The following ARID4A variants were observed in gnomAD, a reference collection of about 807,000 sequenced individuals.
ARID4A encodes the protein AT-rich interactive domain-containing protein 4A.
In ARID4A, 39 loss-of-function variants were observed where a neutral mutation model predicts 148.6. That is an observed-to-expected ratio of 0.26 (90% CI 0.20 to 0.34). The LOEUF (loss-of-function observed/expected upper bound fraction) is 0.34, where lower values mean the gene tolerates loss of function less well. Ranked by LOEUF, ARID4A falls within the 10% of genes least tolerant of loss-of-function variation. The pLI is 1.00. For synonymous variants in ARID4A, 475 were observed against 481.2 expected (o/e 0.99, Z 0.17); for missense variants, 1,265 against 1,449.1 (o/e 0.87, Z 2.06).
chr14:58,362,589 ACT>A (rs2035181602), intron 19 of ARID4A, among the ~76,000 whole-genome samples: 1 of 151,472 alleles, frequency 6.6e-6, no homozygotes, highest in South Asian at 2.1e-4. Flanking sequence ...ACCCCACCTC[ACT>A]CTGTTGCCCA....
rs553897827 is a variant in ARID4A at position 58,326,268 on chromosome 14, G to A, written c.583-1969G>A. 8.6e-4 allele frequency among the ~76,000 whole-genome samples: 131 copies of A among 152,174 alleles called. 1 individual carries two copies. Among genetic ancestry groups the A allele is most frequent in the Admixed American group, 2.1e-3 (32 of 15,284 alleles). On this transcript the variant is annotated intron_variant, in intron 8 of 23. Transcript: ENST00000355431. ...CTGGCTAACATGGTGAAACCCTGTC[G>A]CTACTAAAAACACAAAAAATTAGCC...
intron 17 of ARID4A, 114 bp downstream of exon 17, chr14:58,353,969 C>T: frequency 1.0e-6 from 1 of 964,060 alleles, no homozygotes; most frequent in Non-Finnish European, 1.5e-6. Flanking sequence ...CAAAGCACAC[C>T]TTGGTTCTGA....
At chr14:58,350,551 T>C (rs2034589401) in intron 15 of ARID4A, among the ~76,000 whole-genome samples, 1 of 152,196 alleles carries the variant, frequency 6.6e-6, no homozygotes, top group African/African-American at 2.4e-5. Flanking sequence ...TTTTTTGCCA[T>C]TGATGCAATT....
At chr14:58,358,988 C>G in intron 17 of ARID4A, 144 bp from the exon 18 acceptor site, 1 of 823,130 alleles carries the variant, frequency 1.2e-6, no homozygotes, top group Non-Finnish European at 1.8e-6. Flanking sequence ...GCAAACCAGC[C>G]CCTGTGCCCT....
chr14:58,360,301 C>T (rs185828181), intron 18 of ARID4A, among the ~76,000 whole-genome samples: 39 of 152,282 alleles, frequency 2.6e-4, no homozygotes, highest in African/African-American at 9.1e-4. Context: ...ATGGAACTAA[C>T]CACTCTGCTG....
intron 7 of ARID4A, among the ~76,000 whole-genome samples, chr14:58,322,829 G>A (rs970786151): frequency 2.6e-5 from 4 of 151,354 alleles, no homozygotes; most frequent in Non-Finnish European, 5.9e-5. Flanking sequence ...AGGTGTGGTG[G>A]CATGCGCCTG....
At chr14:58,353,389 CTTATT>C (rs943584573) in intron 16 of ARID4A, 19 of 285,614 alleles carry the variant, frequency 6.7e-5, no homozygotes, top group African/African-American at 3.5e-4. Flanking sequence ...TCAGAAGTGA[CTTATT>C]TTATTACAGA....
intron 18 of ARID4A, among the ~76,000 whole-genome samples, chr14:58,360,253 C>T (rs1247813877): frequency 6.6e-6 from 1 of 152,062 alleles, no homozygotes; most frequent in African/African-American, 2.4e-5. Context: ...TAGGACGAAC[C>T]GTGACAAACG....
chr14:58,304,919 A>C (rs2031482060), intron 3 of ARID4A, 25 bp from the exon 4 acceptor site: 1 of 1,590,612 alleles, frequency 6.3e-7, no homozygotes, highest in African/African-American at 1.3e-5. Context: ...GTAATATGCA[A>C]ATTATTGTGC....
At chr14:58,300,904 C>A (rs563229683) in intron 2 of ARID4A, among the ~76,000 whole-genome samples, 3 of 151,506 alleles carry the variant, frequency 2.0e-5, no homozygotes, top group African/African-American at 7.3e-5. Flanking sequence ...TTACATCTTT[C>A]TATGTATCAT....
At chr14:58,312,877 G>C (rs1442686353) in intron 5 of ARID4A, among the ~76,000 whole-genome samples, 1 of 152,194 alleles carries the variant, frequency 6.6e-6, no homozygotes, top group Admixed American at 6.5e-5. Flanking sequence ...CTTAATAAGT[G>C]ATAGCCAATT....
rs1566705667 is a variant in ARID4A, at chr14:58,346,557, GTTATC to G, written c.1074+57_1074+61del. ...ATGTATTGATGTGGTAAAAAGTTAAGTTATCTTATATTGCATTATTATATGCACAT... is the reference window on the plus strand; with the variant it reads ...ATGTATTGATGTGGTAAAAAGTTAAGTTATATTGCATTATTATATGCACAT... On this transcript the variant is annotated intron_variant, in intron 13 of 23. Coordinates refer to ENST00000355431, the MANE Select transcript of ARID4A (RefSeq NM_002892.4). 4 of 1,237,868 alleles carry G rather than the reference GTTATC, an allele frequency of 3.2e-6. No individual in the cohort carries two copies. The South Asian group carries it at 5.1e-5, about 16-fold the overall frequency. The allele number at this position is 1,237,868 out of a possible 1,614,324, so 76.7% of individuals were successfully genotyped here. A position where few individuals can be genotyped will look rare whatever the true frequency, so the allele number is the denominator to read the frequency against.
At chr14:58,321,953 GTT>G in intron 7 of ARID4A, among the ~76,000 whole-genome samples, 1 of 75,574 alleles carries the variant, frequency 1.3e-5, no homozygotes, top group East Asian at 2.4e-4. Flanking sequence ...TGTTGTTGTT[GTT>G]GTTTTTTTTG....
At chr14:58,360,166 A>G (rs2035074367) in intron 18 of ARID4A, among the ~76,000 whole-genome samples, 1 of 152,168 alleles carries the variant, frequency 6.6e-6, no homozygotes, top group African/African-American at 2.4e-5. Flanking sequence ...GTTTCAGCAA[A>G]GGTGAAAACC....
chr14:58,307,511 A>G (rs1055025070), intron 5 of ARID4A, among the ~76,000 whole-genome samples: 2 of 152,192 alleles, frequency 1.3e-5, no homozygotes, highest in African/African-American at 4.8e-5. Context: ...GTGGCTACTG[A>G]TAGTTGTTAA....
intron 19 of ARID4A, among the ~76,000 whole-genome samples, chr14:58,361,558 C>T (rs1480153767): frequency 2.0e-5 from 3 of 152,154 alleles, no homozygotes; most frequent in Admixed American, 6.5e-5. Flanking sequence ...AACAGTAAAA[C>T]ATATGACTTA....
chr14:58,337,246 T>TATATATATATATA (rs1555361738), intron 11 of ARID4A, among the ~76,000 whole-genome samples: 38 of 83,814 alleles, frequency 4.5e-4, no homozygotes, highest in African/African-American at 9.5e-4. Flanking sequence ...TTCTCTTTAT[T>TATATATATATATA]TATATATATA....
intron 9 of ARID4A, among the ~76,000 whole-genome samples, chr14:58,329,262 G>A (rs1403367629): frequency 2.0e-5 from 3 of 152,158 alleles, no homozygotes; most frequent in Admixed American, 1.3e-4. Context: ...GAATTACCCC[G>A]TACTATCTGT....
chr14:58,364,695 T>A lies in ARID4A; in HGVS notation c.2606T>A (p.Ile869Lys), dbSNP rs756381027. 4.3e-6 allele frequency: 7 copies of A among 1,613,412 alleles called. No homozygotes were observed. The East Asian group carries it at 1.6e-4, about 36-fold the overall frequency. ...ILGQSSPEKK[I>K]RIENGMEMTN... ...GGACAATCATCGCCAGAGAAAAAAA[T>A]AAGAATTGAGAATGGAATGGAAATG... Residue 869 changes from isoleucine (I) to lysine (K), a missense_variant, in exon 20 of 24, where the codon ATA becomes AAA. By Grantham distance (102) the Ile-to-Lys change is moderately radical. Coordinates refer to ENST00000355431, the MANE Select transcript of ARID4A (RefSeq NM_002892.4).
Sources: allele counts gnomAD v4.1 joint callset (sites outside exome capture counted in the v4.1 genomes callset), GRCh38; gene constraint gnomAD v4.1.1; transcripts MANE v1.5; gene names NCBI Gene and HGNC (gene_info 2026-07-23, HGNC 2026-07-21).